Variants in POU6F2 observed in about 807,000 individuals in gnomAD.
POU6F2 encodes the protein POU class 6 homeobox 2.
In POU6F2, 31 loss-of-function variants were observed where a neutral mutation model predicts 71.3. That is an observed-to-expected ratio of 0.43 (90% CI 0.33 to 0.59). POU6F2 has a LOEUF of 0.59. POU6F2 is among the 20% of genes least tolerant of loss of function. The probability of loss-of-function intolerance (pLI) is 0.04; values close to 1 mark genes in which losing one functional copy is unlikely to be tolerated. For synonymous variants in POU6F2, 347 were observed against 355.7 expected (o/e 0.98, Z 0.27); for missense variants, 783 against 856.8 (o/e 0.91, Z 1.07).
At chr7:39,279,576 C>T (rs576476270) in intron 4 of POU6F2, among the ~76,000 whole-genome samples, 1 of 152,212 alleles carries the variant, frequency 6.6e-6, no homozygotes, top group African/African-American at 2.4e-5. Flanking sequence ...GTCAACAGGG[C>T]CACACTCCCT....
chr7:39,159,388 A>T (rs1274597830), intron 2 of POU6F2, among the ~76,000 whole-genome samples: 2 of 152,194 alleles, frequency 1.3e-5, no homozygotes, highest in African/African-American at 4.8e-5. Context: ...GGTATTAGAC[A>T]AAAGCTCCCC....
chr7:39,001,165 T>C (rs898677395), intron 1 of POU6F2, among the ~76,000 whole-genome samples: 1 of 152,182 alleles, frequency 6.6e-6, no homozygotes, highest in Non-Finnish European at 1.5e-5. Context: ...AGTTGGTAAA[T>C]AGTTTAAAAT....
At position 39,428,736 on chromosome 7, in the gene POU6F2, CAT is replaced by C. The variant is rs1287213434; in HGVS notation, c.1114-4340_1114-4339del. Among the ~76,000 whole-genome samples, 8 of 152,190 alleles carry C rather than the reference CAT, an allele frequency of 5.3e-5. No individual in the cohort carries two copies. The South Asian group carries it at 1.2e-3, about 24-fold the overall frequency. ...TGAGTCCATTCTGTCCACACAGTGA[CAT>C]TCACACAGAATAGCCCCATTTCAGC... On this transcript the variant is annotated intron_variant, in intron 6 of 9. Transcript: ENST00000518318.
At chr7:39,423,214 A>T (rs750980883) in intron 6 of POU6F2, among the ~76,000 whole-genome samples, 1 of 152,202 alleles carries the variant, frequency 6.6e-6, no homozygotes, top group Non-Finnish European at 1.5e-5. Flanking sequence ...ACTCTTGTCA[A>T]CAGTGTGGGT....
At chr7:39,319,425 G>GT (rs34671040) in intron 4 of POU6F2, among the ~76,000 whole-genome samples, 51,031 of 152,006 alleles carry the variant, frequency 0.34, 8,705 homozygotes, top group Middle Eastern at 0.38. Flanking sequence ...TGGTATTGTG[G>GT]TTTTTGGAAA....
At chr7:39,206,312 T>G (rs1471452895) in intron 3 of POU6F2, among the ~76,000 whole-genome samples, 1 of 152,198 alleles carries the variant, frequency 6.6e-6, no homozygotes, top group African/African-American at 2.4e-5. Context: ...GTCATCCTGG[T>G]GAAGAGCCCA....
At chr7:39,260,481 C>T (rs1291866854) in intron 4 of POU6F2, among the ~76,000 whole-genome samples, 7 of 147,976 alleles carry the variant, frequency 4.7e-5, no homozygotes, top group Non-Finnish European at 1.0e-4. Flanking sequence ...ATACCACACA[C>T]AAGCCACACA....
In POU6F2 at chr7:39,170,446, A is replaced by T. The variant is rs567943098; in HGVS notation, c.278-33789A>T. On this transcript the variant is annotated intron_variant, in intron 2 of 9. Transcript: ENST00000518318. ...TAGATGAATTCATATGGCTAGGACA[A>T]CTAAAAATTTCCCAATTTCCCAACT... Among the ~76,000 whole-genome samples, 21 of 152,300 alleles carry T rather than the reference A, an allele frequency of 1.4e-4. No homozygotes were observed. The South Asian group carries it at 4.1e-3, about 30-fold the overall frequency.
intron 1 of POU6F2, among the ~76,000 whole-genome samples, chr7:38,986,938 CCTT>C (rs959420752): frequency 2.0e-4 from 31 of 152,252 alleles, no homozygotes; most frequent in African/African-American, 7.2e-4. Flanking sequence ...AGATCTGCAT[CCTT>C]CTCTGTAGTA....
intron 6 of POU6F2, among the ~76,000 whole-genome samples, chr7:39,431,986 C>T (rs1788112053): frequency 6.6e-6 from 1 of 152,200 alleles, no homozygotes; most frequent in Admixed American, 6.5e-5. Flanking sequence ...TCCACACGGC[C>T]AGTGCCACGT....
chr7:39,022,701 C>T (rs1413661067), intron 1 of POU6F2, among the ~76,000 whole-genome samples: 3 of 152,018 alleles, frequency 2.0e-5, no homozygotes, highest in Non-Finnish European at 2.9e-5. Flanking sequence ...CTTTCCCCCG[C>T]TTTTTCCATC....
Position 39,026,609 on chromosome 7 carries a change from A to G in POU6F2, c.105+48551A>G, listed in dbSNP as rs1490170693. 2.0e-5 allele frequency among the ~76,000 whole-genome samples: 3 copies of G among 151,616 alleles called. No individual in the cohort carries two copies. The East Asian group carries it at 5.9e-4, about 30-fold the overall frequency. ...ACTCTGGGGACTGTTGTGGGGTGGG[A>G]GGAGTGGGGAGGGATAGCATTAGGA... is the stretch of plus-strand genomic sequence containing the variant. On this transcript the variant is annotated intron_variant, in intron 1 of 9. Coordinates refer to ENST00000518318, the MANE Select transcript of POU6F2 (RefSeq NM_001370959.1).
intron 2 of POU6F2, among the ~76,000 whole-genome samples, chr7:39,098,889 T>TA (rs781422306): frequency 3.9e-5 from 6 of 152,188 alleles, no homozygotes; most frequent in Non-Finnish European, 7.4e-5. Flanking sequence ...GGGCAGCAGA[T>TA]ACCATAAAAC....
intron 1 of POU6F2, among the ~76,000 whole-genome samples, chr7:39,015,696 AT>A (rs1562670398): frequency 2.1e-5 from 2 of 94,218 alleles, no homozygotes; most frequent in Non-Finnish European, 4.0e-5. Flanking sequence ...ATATCTATAT[AT>A]TATATATATC....
In POU6F2 at chr7:39,465,168, C is replaced by G. The variant is rs1469033194; in HGVS notation, c.*482C>G. The stretch of plus-strand genomic sequence containing the variant: ...CCTGCCACCTGGAGGAAGGACTGCA[C>G]CCCTTCAGGTACTAAGTGCTGATTC... On this transcript the variant is annotated 3_prime_UTR_variant, in exon 10 of 10. Transcript: ENST00000518318. The G allele has an allele frequency of 3.8e-5, 6 of 156,142 alleles. No individual in the cohort carries two copies. Among genetic ancestry groups the G allele is most frequent in the African/African-American group, 1.4e-4 (6 of 41,472 alleles). The allele number at this position is 156,142 out of a possible 1,614,324, so 9.7% of individuals were successfully genotyped here.
intron 4 of POU6F2, among the ~76,000 whole-genome samples, chr7:39,262,991 A>G (rs1384737458): frequency 6.6e-6 from 1 of 152,124 alleles, no homozygotes; most frequent in East Asian, 1.9e-4. Context: ...TGCTCATCTG[A>G]TATAAGATCA....
intron 5 of POU6F2, among the ~76,000 whole-genome samples, chr7:39,389,748 CT>C (rs1289534450): frequency 2.0e-5 from 3 of 152,130 alleles, no homozygotes; most frequent in Non-Finnish European, 4.4e-5. Context: ...CATTTTTCCC[CT>C]GTGTTTAACA....
At chr7:39,117,100 G>C (rs996125222) in intron 2 of POU6F2, among the ~76,000 whole-genome samples, 1 of 152,072 alleles carries the variant, frequency 6.6e-6, no homozygotes, top group African/African-American at 2.4e-5. Flanking sequence ...TTGAAAGATA[G>C]GTATGTTTCA....
rs568165661 is a variant in POU6F2, at chr7:39,194,681, C to T, written c.278-9554C>T. The stretch of plus-strand genomic sequence containing the variant: ...TAGCAGTGGTAACCCACTCCGGTCC[C>T]CTTCTACGCTGTGGGATATTTGTTC... On this transcript the variant is annotated intron_variant, in intron 2 of 9. Coordinates refer to ENST00000518318, the MANE Select transcript of POU6F2 (RefSeq NM_001370959.1). 5.3e-3 allele frequency among the ~76,000 whole-genome samples: 808 copies of T among 152,320 alleles called. 8 individuals are homozygous for T. The highest frequency in any genetic ancestry group is 0.019 in the African/African-American group (776 of 41,560).
Sources: gnomAD v4.1 joint callset for allele counts (sites outside exome capture counted in the v4.1 genomes callset) on GRCh38, gnomAD v4.1.1 for gene constraint, MANE v1.5 for transcripts, NCBI Gene and HGNC (gene_info 2026-07-23, HGNC 2026-07-21) for gene names.